Variants in PGM2L1 observed in about 807,000 individuals in gnomAD.
PGM2L1 encodes phosphoglucomutase 2 like 1, also known as glucose 1,6-bisphosphate synthase.
PGM2L1 carries 35 observed loss-of-function variants against 73.4 expected under a neutral mutation model. The observed-to-expected ratio is 0.48, with a 90% CI of 0.36 to 0.63. The LOEUF is 0.63. Ranked by LOEUF, PGM2L1 falls within the 30% of genes least tolerant of loss-of-function variation. PGM2L1 has a pLI of 0.00. For synonymous variants in PGM2L1, 225 were observed against 253.8 expected, an observed-to-expected ratio of 0.89 and a Z score of 1.08; for missense variants, 570 against 742.0, an observed-to-expected ratio of 0.77 and a Z score of 2.69.
At chr11:74,357,131 G>A (rs1269486441) in intron 5 of PGM2L1, among the ~76,000 whole-genome samples, 3 of 152,100 alleles carry the variant, frequency 2.0e-5, no homozygotes, top group African/African-American at 7.2e-5. Flanking sequence ...TTACAGGTGT[G>A]AGCCACCGTG....
At chr11:74,369,892 G>A (rs985723873) in intron 4 of PGM2L1, among the ~76,000 whole-genome samples, 6 of 151,840 alleles carry the variant, frequency 4.0e-5, no homozygotes, top group African/African-American at 9.7e-5. Context: ...GATTACAGGC[G>A]TGCACCACCA....
rs138546400 is a variant in PGM2L1 at position 74,351,335 on chromosome 11, T to C, written c.749+48A>G. On this transcript the variant is annotated intron_variant, in intron 6 of 13. Transcript: ENST00000298198. Reference sequence around the variant, plus strand: ...TTATCACTTTTTATTCTCCTCATTCTTTAACGTTATTCTGAAGTAGTATTA... The same window carrying C: ...TTATCACTTTTTATTCTCCTCATTCCTTAACGTTATTCTGAAGTAGTATTA... 5.2e-4 allele frequency: 792 copies of C among 1,510,600 alleles called. 3 individuals carry two copies. In the African/African-American group the frequency reaches 1.0e-2, roughly 19 times the overall value. The allele number at this position is 1,510,600 out of a possible 1,614,324, so 93.6% of individuals were successfully genotyped here. A position where few individuals can be genotyped will look rare whatever the true frequency, so the allele number is the denominator to read the frequency against.
chr11:74,335,380 A>C lies in PGM2L1; in HGVS notation c.*1272T>G, dbSNP rs183395088. 2.2e-4 allele frequency: 33 copies of C among 152,290 alleles called. No homozygotes were observed. Among genetic ancestry groups the C allele is most frequent in the Admixed American group, 2.0e-3 (30 of 15,284 alleles). The allele number at this position is 152,290 out of a possible 1,614,324, so 9.4% of individuals were successfully genotyped here. A position where few individuals can be genotyped will look rare whatever the true frequency, so the allele number is the denominator to read the frequency against. On this transcript the variant is annotated 3_prime_UTR_variant, in exon 14 of 14. Coordinates refer to ENST00000298198, the MANE Select transcript of PGM2L1 (RefSeq NM_173582.6). ...TGTGATCCACCTGCCTCAGCCTCCCAAAGTGCTGGGATTACAGGCGTGAGC... is the reference window on the plus strand; with the variant it reads ...TGTGATCCACCTGCCTCAGCCTCCCCAAGTGCTGGGATTACAGGCGTGAGC...
intron 1 of PGM2L1, among the ~76,000 whole-genome samples, chr11:74,379,296 C>A (rs1006575394): frequency 2.0e-5 from 3 of 152,050 alleles, no homozygotes; most frequent in African/African-American, 7.2e-5. Flanking sequence ...AGTGACAACT[C>A]CTTATTATCA....
rs908842546 is a variant in PGM2L1 at position 74,332,143 on chromosome 11, GCT to G, written c.*4507_*4508del. ...ATACCTCTATGGCTTAGGGTAAGATGCTCTGAGGGACAAATGTGAATAAGATT... is the reference window on the plus strand; with the variant it reads ...ATACCTCTATGGCTTAGGGTAAGATGCTGAGGGACAAATGTGAATAAGATT... On this transcript the variant is annotated 3_prime_UTR_variant, in exon 14 of 14. Transcript: ENST00000298198. 1.2e-4 allele frequency: 18 copies of G among 152,164 alleles called. 2 individuals are homozygous for G. Among genetic ancestry groups the G allele is most frequent in the Admixed American group, 1.1e-3 (17 of 15,286 alleles). 9.4% of individuals were successfully genotyped at this position (152,164 alleles called of 1,614,324 possible).
At chr11:74,354,559 C>G in intron 5 of PGM2L1, 1 of 1,155,002 alleles carries the variant, frequency 8.7e-7, no homozygotes, top group East Asian at 2.3e-5. Flanking sequence ...AATGGGAATG[C>G]TCACGAACTG....
At chr11:74,337,176 C>A (rs188883937) in intron 13 of PGM2L1, among the ~76,000 whole-genome samples, 1 of 152,160 alleles carries the variant, frequency 6.6e-6, no homozygotes, top group Non-Finnish European at 1.5e-5. Flanking sequence ...ACTAAAATAA[C>A]GTGATGTTTA....
chr11:74,369,348 A>G (rs1458334500), intron 4 of PGM2L1, among the ~76,000 whole-genome samples: 1 of 152,224 alleles, frequency 6.6e-6, no homozygotes, highest in African/African-American at 2.4e-5. Context: ...AAGAAACAAA[A>G]AGGAGTAATA....
At chr11:74,368,130 G>A (rs1219030664) in intron 5 of PGM2L1, among the ~76,000 whole-genome samples, 1 of 152,192 alleles carries the variant, frequency 6.6e-6, no homozygotes, top group Non-Finnish European at 1.5e-5. Context: ...AGAGAGAGAG[G>A]AGAGTGAGGA....
intron 5 of PGM2L1, among the ~76,000 whole-genome samples, chr11:74,363,915 A>AG (rs1378580410): frequency 6.6e-6 from 1 of 152,182 alleles, no homozygotes; most frequent in African/African-American, 2.4e-5. Context: ...ACAAAAAAAA[A>AG]GAGAATTTTA....
chr11:74,374,009 G>T (rs1205979612), intron 2 of PGM2L1, among the ~76,000 whole-genome samples: 6 of 142,060 alleles, frequency 4.2e-5, no homozygotes, highest in East Asian at 2.1e-4. Context: ...ATAAAGTTTT[G>T]TGTGTGTGTG....
At position 74,366,032 on chromosome 11, in the gene PGM2L1, A is replaced by G. The variant is rs1386199088; in HGVS notation, c.555+2460T>C. ...ATACACCATGGAATACTATGCAGCC[A>G]TAAAAAAGGATGAGCTCATGTCCTT... On this transcript the variant is annotated intron_variant, in intron 5 of 13. Transcript: ENST00000298198. 3.3e-5 allele frequency among the ~76,000 whole-genome samples: 5 copies of G among 152,238 alleles called. No individual in the cohort carries two copies. In the East Asian group the frequency reaches 9.6e-4, roughly 29 times the overall value.
intron 5 of PGM2L1, among the ~76,000 whole-genome samples, chr11:74,356,521 T>G (rs989654828): frequency 6.6e-6 from 1 of 152,152 alleles, no homozygotes; most frequent in Non-Finnish European, 1.5e-5. Context: ...ACTCAATTAT[T>G]AAAATATCGA....
chr11:74,336,867 CA>C (rs780808107), intron 13 of PGM2L1, 113 bp from the exon 14 acceptor site: 17 of 613,416 alleles, frequency 2.8e-5, no homozygotes, highest in Non-Finnish European at 4.3e-5. Flanking sequence ...AATTGGTAAA[CA>C]AAAGAGAAAT....
Position 74,387,871 on chromosome 11 carries a change from A to G in PGM2L1, c.111+10180T>C, listed in dbSNP as rs1863039024. Among the ~76,000 whole-genome samples the G allele has an allele frequency of 3.9e-5, 6 of 152,204 alleles. No individual in the cohort carries two copies. The South Asian group carries it at 8.3e-4, about 21-fold the overall frequency. ...AAAGCTGCAGACATCATTGACCATT[A>G]CTTTCATTCCCAGACCCCACCTTTA... On this transcript the variant is annotated intron_variant, in intron 1 of 13. Coordinates refer to ENST00000298198, the MANE Select transcript of PGM2L1 (RefSeq NM_173582.6).
At chr11:74,351,713 A>G (rs556647249) in intron 5 of PGM2L1, 137 bp from the exon 6 acceptor site, 1 of 701,866 alleles carries the variant, frequency 1.4e-6, no homozygotes, top group East Asian at 3.1e-5. Flanking sequence ...CTGTAATCTC[A>G]GCACTTTGGG....
chr11:74,374,064 A>AAC (rs559096963), intron 2 of PGM2L1, among the ~76,000 whole-genome samples: 37 of 149,352 alleles, frequency 2.5e-4, no homozygotes, highest in Non-Finnish European at 4.9e-4. Context: ...AAAAAAAAAA[A>AAC]AAAAAAAACC....
chr11:74,372,191 A>G (rs1862774838), intron 2 of PGM2L1, among the ~76,000 whole-genome samples: 1 of 152,140 alleles, frequency 6.6e-6, no homozygotes, highest in South Asian at 2.1e-4. Flanking sequence ...AAGGCTCTAG[A>G]AAACAGAATT....
At chr11:74,359,330 T>C (rs761917256) in intron 5 of PGM2L1, among the ~76,000 whole-genome samples, 2 of 151,920 alleles carry the variant, frequency 1.3e-5, no homozygotes, top group Non-Finnish European at 2.9e-5. Flanking sequence ...CAGGCTGGAG[T>C]GCAGTGGTGT....
Sources: gnomAD v4.1 joint callset for allele counts (sites outside exome capture counted in the v4.1 genomes callset) on GRCh38, gnomAD v4.1.1 for gene constraint, MANE v1.5 for transcripts, NCBI Gene and HGNC (gene_info 2026-07-23, HGNC 2026-07-21) for gene names.